The following FCGR3A variants were observed in gnomAD, a reference collection of about 807,000 sequenced individuals.
FCGR3A encodes low affinity immunoglobulin gamma Fc region receptor III-A.
FCGR3A carries 13 observed loss-of-function variants against 24.1 expected under a neutral mutation model. That is an observed-to-expected ratio of 0.54 (90% CI 0.35 to 0.86). FCGR3A has a LOEUF of 0.86. FCGR3A is among the 40% of genes least tolerant of loss of function. FCGR3A has a pLI of 0.01. For synonymous variants in FCGR3A, 93 were observed against 112.2 expected (o/e 0.83, Z 1.08); for missense variants, 235 against 298.0 (o/e 0.79, Z 1.56).
Position 161,548,578 on chromosome 1 carries a change from C to T in FCGR3A, c.162G>A (p.Glu54=). The T allele has an allele frequency of 4.3e-6, 7 of 1,613,990 alleles. No individual in the cohort carries two copies. The highest frequency in any genetic ancestry group is 1.3e-5 in the African/African-American group (1 of 75,038). ...TLKCQGAYSP[E]DNSTQWFHNE... is the part of the protein sequence containing the mutation. ...TGTGAAACCACTGTGTGGAATTGTC[C>T]TCAGGGGAGTAGGCTCCCTGGCACT... The change falls in exon 3 of 5, where the codon GAG becomes GAA. Residue 54 remains glutamate (E), a synonymous_variant. Transcript: ENST00000443193.
chr1:161,541,992 T>C lies in FCGR3A; in HGVS notation c.*1020A>G, dbSNP rs1175383744. The C allele has an allele frequency of 6.6e-6, 1 of 152,240 alleles. No homozygotes were observed. The highest frequency in any genetic ancestry group is 6.5e-5 in the Admixed American group (1 of 15,272). 9.4% of individuals were successfully genotyped at this position (152,240 alleles called of 1,614,324 possible). ...CATAACTTAACTCAGCGAAGCTCAG[T>C]AGTACATTTAGTATTGGTTATACAA... On this transcript the variant is annotated 3_prime_UTR_variant, in exon 5 of 5. Transcript: ENST00000443193.
chr1:161,547,574 G>C (rs1269721189), intron 3 of FCGR3A, among the ~76,000 whole-genome samples: 1 of 152,168 alleles, frequency 6.6e-6, no homozygotes, highest in East Asian at 1.9e-4. Flanking sequence ...TGTGCAGGCT[G>C]AACATGTATC....
intron 3 of FCGR3A, among the ~76,000 whole-genome samples, chr1:161,546,943 A>G (rs1411765995): frequency 3.9e-5 from 6 of 151,966 alleles, no homozygotes; most frequent in African/African-American, 1.5e-4. Context: ...AAACAAACAA[A>G]AAAAGAAGTA....
chr1:161,549,915 C>G, upstream of FCGR3A: 2 of 1,559,740 alleles, frequency 1.3e-6, no homozygotes, highest in Non-Finnish European at 1.7e-6. Flanking sequence ...GGCAAGGGAG[C>G]CCCACCATAG....
At chr1:161,550,030 G>T (rs1196837745), upstream of FCGR3A, 4 of 652,598 alleles carry the variant, frequency 6.1e-6, no homozygotes, top group Admixed American at 3.0e-5. Flanking sequence ...CACAGAATCT[G>T]CCAGAGTGTG....
chr1:161,543,065 T>C lies in FCGR3A; in HGVS notation c.712A>G (p.Arg238Gly), dbSNP rs955556417. 1 of 1,613,488 alleles carries C rather than the reference T, an allele frequency of 6.2e-7. No individual in the cohort carries two copies. Among genetic ancestry groups the C allele is most frequent in the Admixed American group, 1.7e-5 (1 of 59,962 alleles). The change falls in exon 5 of 5, where the codon AGA becomes GGA. Residue 238 changes from arginine to glycine, a missense_variant. Transcript: ENST00000443193. Reference sequence around the variant, plus strand: ...TTAAATTTATGGTCCTTCCAGTCTCTTGTTGAGCTTCGAATGTTTGTCTTC... The same window carrying C: ...TTAAATTTATGGTCCTTCCAGTCTCCTGTTGAGCTTCGAATGTTTGTCTTC... ...SVKTNIRSST[R>G]DWKDHKFKWR...
chr1:161,543,120 A>C lies in FCGR3A; in HGVS notation c.657T>G (p.Phe219Leu). ...VSFCLVMVLL[F>L]AVDTGLYFSV... ...AGAAATATAGTCCTGTGTCCACTGCAAAAAGGAGTACCATCACCAAGCAGA... is the reference window on the plus strand; with the variant it reads ...AGAAATATAGTCCTGTGTCCACTGCCAAAAGGAGTACCATCACCAAGCAGA... The change falls in exon 5 of 5, where the codon TTT becomes TTG. Residue 219 changes from phenylalanine to leucine, a missense_variant. Transcript: ENST00000443193. 1 of 1,613,498 alleles carries C rather than the reference A, an allele frequency of 6.2e-7. No homozygotes were observed. The highest frequency in any genetic ancestry group is 8.5e-7 in the Non-Finnish European group (1 of 1,179,640).
chr1:161,543,900 G>A (rs185313765), intron 4 of FCGR3A, among the ~76,000 whole-genome samples: 1 of 152,228 alleles, frequency 6.6e-6, no homozygotes, highest in Non-Finnish European at 1.5e-5. Context: ...TCTGATTCTG[G>A]AGGCTGGTGC....
At position 161,549,731 on chromosome 1, in the gene FCGR3A, C is replaced by T. The variant is rs1394564910; in HGVS notation, c.6G>A (p.Trp2Ter). 6.2e-7 allele frequency: 1 copy of T among 1,613,920 alleles called. No individual in the cohort carries two copies. The highest frequency in any genetic ancestry group is 2.2e-5 in the East Asian group (1 of 44,882). The change falls in exon 1 of 5, where the codon TGG becomes TGA. Residue 2 changes from tryptophan (W) to a stop codon, truncating the protein, a stop_gained. Transcript: ENST00000443193. LOFTEE classifies it high-confidence loss of function. M[W>*]QLLLPTALLL... ...GCAGAGCAGTTGGGAGGAGCAGCTGCCACATGATGCCACACTGGAGTGGAC... is the reference window on the plus strand; with the variant it reads ...GCAGAGCAGTTGGGAGGAGCAGCTGTCACATGATGCCACACTGGAGTGGAC...
At position 161,549,056 on chromosome 1, in the gene FCGR3A, T is replaced by C. The variant is rs772078041; in HGVS notation, c.41-25A>G. ...ACTGCAAGAAAAAAGATAAATCAAA[T>C]ATTGAGTAGGGGCAGAGATCAGAGT... On this transcript the variant is annotated intron_variant, in intron 1 of 4. Coordinates refer to ENST00000443193, the MANE Select transcript of FCGR3A (RefSeq NM_000569.8). 34 of 1,576,776 alleles carry C rather than the reference T, an allele frequency of 2.2e-5. 1 individual carries two copies. Among genetic ancestry groups the C allele is most frequent in the Middle Eastern group, 3.4e-4 (2 of 5,896 alleles).
intron 3 of FCGR3A, among the ~76,000 whole-genome samples, chr1:161,546,724 C>T (rs545876704): frequency 2.3e-3 from 343 of 151,672 alleles, no homozygotes; most frequent in African/African-American, 6.4e-3. Context: ...GCTAACGCTG[C>T]GAAACCCTGT....
intron 2 of FCGR3A, 57 bp from the exon 3 acceptor site, chr1:161,548,735 C>T: frequency 6.2e-7 from 1 of 1,611,932 alleles, no homozygotes; most frequent in Non-Finnish European, 8.5e-7. Flanking sequence ...CTCTACACTG[C>T]CATTCCCAGG....
At position 161,543,174 on chromosome 1, in the gene FCGR3A, T is replaced by C. The variant is rs376008676; in HGVS notation, c.603A>G (p.Ser201=). 1.9e-6 allele frequency: 3 copies of C among 1,612,956 alleles called. No individual in the cohort carries two copies. Among genetic ancestry groups the C allele is most frequent in the African/African-American group, 1.3e-5 (1 of 74,698 alleles). ...TQGLAVSTIS[S]FFPPGYQVSF... ...AGACTTGGTACCCAGGTGGAAAGAA[T>C]GATGAGATGGTTGACACTGCCAAAC... The change falls in exon 5 of 5, where the codon TCA becomes TCG. Residue 201 remains serine (S), a synonymous_variant. Transcript: ENST00000443193.
chr1:161,546,625 G>C (rs1449261191), intron 3 of FCGR3A, among the ~76,000 whole-genome samples: 1 of 151,996 alleles, frequency 6.6e-6, no homozygotes, highest in East Asian at 1.9e-4. Flanking sequence ...AAAAATGCAG[G>C]CTGGGCGCGG....
chr1:161,547,676 C>T (rs1171067004), intron 3 of FCGR3A, among the ~76,000 whole-genome samples: 23 of 152,218 alleles, frequency 1.5e-4, no homozygotes, highest in African/African-American at 5.3e-4. Context: ...AGATATGATG[C>T]TAGGCCACTA....
At chr1:161,545,987 CT>C (rs1677376104) in intron 3 of FCGR3A, among the ~76,000 whole-genome samples, 1 of 151,972 alleles carries the variant, frequency 6.6e-6, no homozygotes, top group Admixed American at 6.6e-5. Context: ...CTCCTGTTTA[CT>C]TTTATATATT....
At chr1:161,547,300 G>C (rs1415245055) in intron 3 of FCGR3A, among the ~76,000 whole-genome samples, 3 of 152,196 alleles carry the variant, frequency 2.0e-5, no homozygotes, top group African/African-American at 7.2e-5. Context: ...ATCAGTTTCA[G>C]AGGCCCAATT....
At position 161,541,859 on chromosome 1, in the gene FCGR3A, G is replaced by C. The variant is rs397686458; in HGVS notation, c.*1153C>G. Reference sequence around the variant, plus strand: ...CTTTATTGGAACCAAGAAATGTTGCGCTTAAAGCTTACAAAACAGAGACAG... The same window carrying C: ...CTTTATTGGAACCAAGAAATGTTGCCCTTAAAGCTTACAAAACAGAGACAG... On this transcript the variant is annotated 3_prime_UTR_variant, in exon 5 of 5. Coordinates refer to ENST00000443193, the MANE Select transcript of FCGR3A (RefSeq NM_000569.8). 1.3e-5 allele frequency: 2 copies of C among 152,154 alleles called. No homozygotes were observed. The highest frequency in any genetic ancestry group is 4.2e-4 in the South Asian group (2 of 4,804). 9.4% of individuals were successfully genotyped at this position (152,154 alleles called of 1,614,324 possible).
At chr1:161,547,646 G>A (rs969472808) in intron 3 of FCGR3A, among the ~76,000 whole-genome samples, 4 of 152,212 alleles carry the variant, frequency 2.6e-5, no homozygotes, top group African/African-American at 9.7e-5. Flanking sequence ...TTTGAGTATA[G>A]CATTGATGAG....
Sources: gnomAD v4.1 joint callset for allele counts (sites outside exome capture counted in the v4.1 genomes callset) on GRCh38, gnomAD v4.1.1 for gene constraint, MANE v1.5 for transcripts, NCBI Gene and HGNC (gene_info 2026-07-23, HGNC 2026-07-21) for gene names.